MAML3: variants seen among roughly 807,000 people sequenced by gnomAD.
MAML3 encodes mastermind-like protein 3.
In MAML3, 27 loss-of-function variants were observed where a neutral mutation model predicts 101.9. The ratio of observed to expected loss-of-function variants is 0.27; its 90% CI spans 0.20 to 0.37. The LOEUF (loss-of-function observed/expected upper bound fraction) is 0.37. Ranked by LOEUF, MAML3 falls within the 10% of genes least tolerant of loss-of-function variation. The pLI is 1.00. For missense variants in MAML3, 1,316 were observed against 1,444.9 expected (o/e 0.91, Z 1.45); for synonymous variants, 501 against 555.9 (o/e 0.90, Z 1.39).
intron 2 of MAML3, among the ~76,000 whole-genome samples, chr4:139,787,951 C>T (rs1384193205): frequency 6.6e-6 from 1 of 152,166 alleles, no homozygotes; most frequent in South Asian, 2.1e-4. Context: ...AGGGCTTTTG[C>T]CATCTATTCT....
chr4:140,073,873 C>A (rs1014270524), intron 1 of MAML3, among the ~76,000 whole-genome samples: 3 of 151,880 alleles, frequency 2.0e-5, no homozygotes, highest in African/African-American at 7.3e-5. Context: ...GTGGCTCATA[C>A]CTGTAATCCC....
intron 1 of MAML3, among the ~76,000 whole-genome samples, chr4:140,069,404 GGAGGAGGAGGAGGAGGGGAAGGAGGA>G (rs1241665775): frequency 3.6e-5 from 4 of 110,998 alleles, no homozygotes; most frequent in African/African-American, 7.3e-5. Flanking sequence ...AGGAGGAGGA[GGAGGAGGAGGAGGAGGGGAAGGAGGA>G]GAAGGAGGAG....
intron 2 of MAML3, among the ~76,000 whole-genome samples, chr4:139,873,183 T>C (rs1355378329): frequency 6.6e-6 from 1 of 152,224 alleles, no homozygotes; most frequent in Non-Finnish European, 1.5e-5. Context: ...GAATGTTGTA[T>C]TGCTTCTCTG....
intron 1 of MAML3, among the ~76,000 whole-genome samples, chr4:139,919,000 T>G (rs530672465): frequency 6.6e-6 from 1 of 152,290 alleles, no homozygotes; most frequent in East Asian, 1.9e-4. Flanking sequence ...AAAGACATTA[T>G]CCATGTCTCT....
At position 139,717,072 on chromosome 4, in the gene MAML3, A is replaced by G. The variant is rs1728003595; in HGVS notation, c.*2251T>C. ...ATTTATATGTATATTTTTTACAGAT[A>G]GTAGACCCAGTGATATCTGCAGTAT... On this transcript the variant is annotated 3_prime_UTR_variant, in exon 5 of 5. Transcript: ENST00000509479. 2 of 152,598 alleles carry G rather than the reference A, an allele frequency of 1.3e-5. No individual in the cohort carries two copies. Among genetic ancestry groups the G allele is most frequent in the Admixed American group, 6.5e-5 (1 of 15,304 alleles). The allele number at this position is 152,598 out of a possible 1,614,324, so 9.5% of individuals were successfully genotyped here.
intron 2 of MAML3, among the ~76,000 whole-genome samples, chr4:139,883,022 G>A (rs901828036): frequency 1.3e-5 from 2 of 152,130 alleles, no homozygotes; most frequent in African/African-American, 2.4e-5. Flanking sequence ...CCAATTTGAG[G>A]GAATAATTCA....
At chr4:139,743,342 C>T (rs552343958) in intron 2 of MAML3, among the ~76,000 whole-genome samples, 2 of 152,208 alleles carry the variant, frequency 1.3e-5, no homozygotes, top group Non-Finnish European at 2.9e-5. Context: ...GAAAGCTTCC[C>T]GGACACTAGG....
intron 2 of MAML3, among the ~76,000 whole-genome samples, chr4:139,804,276 T>TG (rs1330312977): frequency 6.6e-6 from 1 of 151,840 alleles, no homozygotes; most frequent in African/African-American, 2.4e-5. Context: ...AGGATTTTTT[T>TG]TTTTTTTGAG....
At chr4:140,069,558 GGGAGGA>G (rs1333779646) in intron 1 of MAML3, among the ~76,000 whole-genome samples, 1 of 99,126 alleles carries the variant, frequency 1.0e-5, no homozygotes, top group Non-Finnish European at 2.0e-5. Flanking sequence ...GGAGGAGGAG[GGGAGGA>G]GGAGGAGGGG....
intron 1 of MAML3, among the ~76,000 whole-genome samples, chr4:140,102,016 C>T (rs1320074666): frequency 6.6e-6 from 1 of 152,118 alleles, no homozygotes; most frequent in African/African-American, 2.4e-5. Flanking sequence ...TTCTAAGAGC[C>T]ATCAGCCAGG....
intron 1 of MAML3, among the ~76,000 whole-genome samples, chr4:140,074,268 T>C (rs1727730641): frequency 7.6e-6 from 1 of 131,128 alleles, no homozygotes. Context: ...AAAGAGGACA[T>C]GTGTACTATG....
At chr4:140,025,800 C>T (rs1726812949) in intron 1 of MAML3, among the ~76,000 whole-genome samples, 1 of 152,200 alleles carries the variant, frequency 6.6e-6, no homozygotes. Flanking sequence ...TTGAAAAATA[C>T]TACATAAAAT....
chr4:139,763,661 G>T (rs1324197547), intron 2 of MAML3, among the ~76,000 whole-genome samples: 1 of 152,158 alleles, frequency 6.6e-6, no homozygotes, highest in Non-Finnish European at 1.5e-5. Context: ...GCTGAATCCT[G>T]GACTGAGAGG....
chr4:140,134,191 G>C (rs963008164), intron 1 of MAML3: 4 of 456,592 alleles, frequency 8.8e-6, no homozygotes, highest in Non-Finnish European at 1.8e-5. Flanking sequence ...AGAATATGTA[G>C]ATTGGTCCCC....
rs1553954174 is a variant in MAML3 at position 139,753,341 on chromosome 4, A to ATCTATCT, written c.2080-22675_2080-22674insAGATAGA. 2.7e-5 allele frequency among the ~76,000 whole-genome samples: 4 copies of ATCTATCT among 146,578 alleles called. No homozygotes were observed. In the East Asian group the frequency reaches 8.1e-4, roughly 30 times the overall value. On this transcript the variant is annotated intron_variant, in intron 2 of 4. Transcript: ENST00000509479. ...TTCTTTGCTTTTTTCTTTTCTTTTT[A>ATCTATCT]ATCTATCTATCTATCTATCTATCTA...
Position 140,038,654 on chromosome 4 carries a change from C to T in MAML3, c.468+114206G>A, listed in dbSNP as rs183741596. 3.5e-3 allele frequency among the ~76,000 whole-genome samples: 526 copies of T among 152,294 alleles called. 1 individual carries two copies. The highest frequency in any genetic ancestry group is 6.6e-3 in the Non-Finnish European group (450 of 68,028). On this transcript the variant is annotated intron_variant, in intron 1 of 4. Coordinates refer to ENST00000509479, the MANE Select transcript of MAML3 (RefSeq NM_018717.5). ...TACTGAATGCCCTGTACCTCAGCTT[C>T]CCCATCTGTAAAAGAGGATAATAGT...
At chr4:139,737,558 T>G (rs528136056) in intron 2 of MAML3, among the ~76,000 whole-genome samples, 1 of 89,364 alleles carries the variant, frequency 1.1e-5, no homozygotes, top group Non-Finnish European at 2.2e-5. Flanking sequence ...ATATGCATCA[T>G]TTTTTTTAAT....
At chr4:140,078,928 CAGAGAG>C (rs1261573671) in intron 1 of MAML3, among the ~76,000 whole-genome samples, 1 of 152,132 alleles carries the variant, frequency 6.6e-6, no homozygotes, top group Non-Finnish European at 1.5e-5. Context: ...AGGCAGCAGA[CAGAGAG>C]AGAAAGTCTG....
At chr4:140,024,393 A>G (rs920804532) in intron 1 of MAML3, among the ~76,000 whole-genome samples, 1 of 152,006 alleles carries the variant, frequency 6.6e-6, no homozygotes, top group Non-Finnish European at 1.5e-5. Context: ...GTGCCTGGCT[A>G]ATTTTTAAAT....
Sources: allele counts gnomAD v4.1 joint callset (sites outside exome capture counted in the v4.1 genomes callset), GRCh38; gene constraint gnomAD v4.1.1; transcripts MANE v1.5; gene names NCBI Gene and HGNC (gene_info 2026-07-23, HGNC 2026-07-21).